The following PPP6R2 variants were observed in gnomAD, a reference collection of about 807,000 sequenced individuals.
PPP6R2 encodes the protein serine/threonine-protein phosphatase 6 regulatory subunit 2.
PPP6R2 carries 62 observed loss-of-function variants against 100.2 expected under a neutral mutation model. That is an observed-to-expected ratio of 0.62 (90% CI 0.50 to 0.76). PPP6R2 has a LOEUF of 0.76. PPP6R2 is among the 30% of genes least tolerant of loss of function. PPP6R2 has a pLI of 0.00. For synonymous variants in PPP6R2, 525 were observed against 514.7 expected (o/e 1.02, Z -0.27); for missense variants, 1,142 against 1,276.3 (o/e 0.89, Z 1.60).
At chr22:50,346,691 G>A (rs2147964731) in intron 1 of PPP6R2, among the ~76,000 whole-genome samples, 1 of 142,322 alleles carries the variant, frequency 7.0e-6, no homozygotes, top group South Asian at 2.3e-4. Context: ...GTCGGTCAGT[G>A]CCTCCGCATC....
chr22:50,370,535 C>T (rs2049906985), intron 1 of PPP6R2, among the ~76,000 whole-genome samples: 1 of 152,184 alleles, frequency 6.6e-6, no homozygotes, highest in South Asian at 2.1e-4. Flanking sequence ...GATCCACCCG[C>T]CTTGGCCTCC....
chr22:50,439,637 C>G, intron 19 of PPP6R2, 64 bp from the exon 20 acceptor site: 1 of 1,455,286 alleles, frequency 6.9e-7, no homozygotes, highest in Non-Finnish European at 9.1e-7. Flanking sequence ...GGGGCGCTGC[C>G]TCCCCTTTGC....
intron 1 of PPP6R2, among the ~76,000 whole-genome samples, chr22:50,347,452 C>T (rs1225844480): frequency 6.6e-6 from 1 of 152,090 alleles, no homozygotes; most frequent in Non-Finnish European, 1.5e-5. Context: ...CTAACCTCAC[C>T]TTACCCCGCA....
chr22:50,378,893 A>C (rs929218910), intron 2 of PPP6R2, among the ~76,000 whole-genome samples: 2 of 151,954 alleles, frequency 1.3e-5, no homozygotes, highest in African/African-American at 4.8e-5. Flanking sequence ...TAAAAAAAAA[A>C]AAAAAAAGGT....
chr22:50,439,791 C>T lies in PPP6R2; in HGVS notation c.2219C>T (p.Ala740Val). Residue 740 changes from alanine to valine, a missense_variant, in exon 20 of 24, where the codon GCA becomes GTA. Around this residue, in one of 2 missense-constraint regions of PPP6R2, gnomAD observed 550 missense variants for 517.4 expected, o/e 1.06. Coordinates refer to ENST00000612753, the MANE Select transcript of PPP6R2 (RefSeq NM_001242898.2). ...AGGGACGTGGGTTCCAGTGTGTGGG[C>T]AGCTGGCACCTCAGCTCCAGAGGAG... ...VVRDVGSSVW[A>V]AGTSAPEEKG... The T allele has an allele frequency of 6.2e-7, 1 of 1,613,870 alleles. No individual in the cohort carries two copies. The highest frequency in any genetic ancestry group is 8.5e-7 in the Non-Finnish European group (1 of 1,179,966).
intron 2 of PPP6R2, among the ~76,000 whole-genome samples, chr22:50,381,691 C>A (rs1462083033): frequency 6.6e-6 from 1 of 151,970 alleles, no homozygotes; most frequent in African/African-American, 2.4e-5. Flanking sequence ...GAGGCCGAGG[C>A]GGGTGGATCA....
At chr22:50,402,607 G>T (rs977599537) in intron 3 of PPP6R2, among the ~76,000 whole-genome samples, 3 of 152,100 alleles carry the variant, frequency 2.0e-5, no homozygotes, top group Non-Finnish European at 4.4e-5. Context: ...TCACGTGGCC[G>T]GCTGCTTCAG....
At chr22:50,432,543 G>C (rs1207129941) in intron 12 of PPP6R2, among the ~76,000 whole-genome samples, 1 of 152,146 alleles carries the variant, frequency 6.6e-6, no homozygotes, top group African/African-American at 2.4e-5. Context: ...GACACAGGGA[G>C]CCGACAGGAA....
Position 50,418,962 on chromosome 22 carries a change from C to T in PPP6R2, c.714C>T (p.Leu238=). Residue 238 remains leucine, a synonymous_variant, in exon 7 of 24, where the codon CTC becomes CTT. Transcript: ENST00000612753. ...QLQEALEPDP[L]LTALESQDCV... is the part of the protein sequence containing the mutation. ...AAGAGGCTCTGGAGCCAGACCCGCT[C>T]CTCACAGCGCTGGAGTCGTGAGTGC... The T allele has an allele frequency of 1.2e-6, 2 of 1,613,502 alleles. No homozygotes were observed. Among genetic ancestry groups the T allele is most frequent in the Middle Eastern group, 1.7e-4 (1 of 6,058 alleles).
intron 1 of PPP6R2, among the ~76,000 whole-genome samples, chr22:50,348,417 G>GA (rs2044243581): frequency 6.6e-6 from 1 of 152,166 alleles, no homozygotes; most frequent in Non-Finnish European, 1.5e-5. Flanking sequence ...TGGTAGATGA[G>GA]AAGAGAGGTG....
Position 50,382,045 on chromosome 22 carries a change from A to T in PPP6R2, c.-17+9895A>T, listed in dbSNP as rs182630098. ...TAGCAACCATTAACTAAATGATAAT[A>T]TATATTGAAAACTTAACCTGTGAAA... On this transcript the variant is annotated intron_variant, in intron 2 of 23. Coordinates refer to ENST00000612753, the MANE Select transcript of PPP6R2 (RefSeq NM_001242898.2). Among the ~76,000 whole-genome samples the T allele has an allele frequency of 3.7e-3, 560 of 152,330 alleles. 4 individuals are homozygous for T. Among genetic ancestry groups the T allele is most frequent in the Middle Eastern group, 0.02 (6 of 294 alleles).
chr22:50,367,209 G>A (rs972053569), intron 1 of PPP6R2, among the ~76,000 whole-genome samples: 3 of 152,036 alleles, frequency 2.0e-5, no homozygotes, highest in Non-Finnish European at 2.9e-5. Flanking sequence ...AGCGGGGGAC[G>A]CCTGGATAGG....
At chr22:50,383,690 T>G (rs573682964) in intron 2 of PPP6R2, among the ~76,000 whole-genome samples, 2 of 152,138 alleles carry the variant, frequency 1.3e-5, no homozygotes, top group African/African-American at 4.8e-5. Context: ...GGGGCTGTTA[T>G]CTTTCTGCCA....
In PPP6R2 at chr22:50,373,809, C is replaced by T. The variant is rs184522905; in HGVS notation, c.-17+1659C>T. On this transcript the variant is annotated intron_variant, in intron 2 of 23. Coordinates refer to ENST00000612753, the MANE Select transcript of PPP6R2 (RefSeq NM_001242898.2). Reference sequence around the variant, plus strand: ...AGTGCAATGGCATGACCTTGACTCACTGCAACCTCCGCCTCCTGGGTTCAA... The same window carrying T: ...AGTGCAATGGCATGACCTTGACTCATTGCAACCTCCGCCTCCTGGGTTCAA... 6.8e-4 allele frequency among the ~76,000 whole-genome samples: 103 copies of T among 152,186 alleles called. 1 individual carries two copies. The highest frequency in any genetic ancestry group is 5.4e-4 in the Non-Finnish European group (37 of 68,010).
At position 50,431,337 on chromosome 22, in the gene PPP6R2, TC is replaced by T; in HGVS notation, c.1294del (p.Gln432SerfsTer12). On this transcript the variant is annotated frameshift_variant, in exon 11 of 24. Coordinates refer to ENST00000612753, the MANE Select transcript of PPP6R2 (RefSeq NM_001242898.2). LOFTEE classifies it high-confidence loss of function. The surrounding 1 kb of genome is among the most constrained non-coding windows in gnomAD (Gnocchi z 4.8). ...AGAACGGGAACCGGAGCCTGGAGAC[TC>T]CCCAGCCGGCCGCCAGCCTCCCTGA... is the stretch of plus-strand genomic sequence containing the variant. ...HENGNRSLET[P>X]QPAASLPDNT... 6.2e-7 allele frequency: 1 copy of T among 1,612,668 alleles called. No individual in the cohort carries two copies. The highest frequency in any genetic ancestry group is 8.5e-7 in the Non-Finnish European group (1 of 1,179,972).
At chr22:50,437,231 C>T (rs1388450812) in intron 15 of PPP6R2, among the ~76,000 whole-genome samples, 163 bp downstream of exon 15, 1 of 152,204 alleles carries the variant, frequency 6.6e-6, no homozygotes, top group African/African-American at 2.4e-5. Context: ...GGGAGAACCC[C>T]AAAGTCACTC....
At chr22:50,426,999 C>T (rs1277825112) in intron 10 of PPP6R2, among the ~76,000 whole-genome samples, 1 of 151,678 alleles carries the variant, frequency 6.6e-6, no homozygotes, top group Non-Finnish European at 1.5e-5. Flanking sequence ...CCATCCTGGC[C>T]AACATAGTGA....
At chr22:50,336,104 C>A in the PPP6R2 span, among the ~76,000 whole-genome samples, 1 of 151,908 alleles carries the variant, frequency 6.6e-6, no homozygotes, top group Non-Finnish European at 1.5e-5. Context: ...CCCACCTCAG[C>A]CTCCTGAGTA....
At chr22:50,338,068 TGTG>T in the PPP6R2 span, among the ~76,000 whole-genome samples, 1 of 148,246 alleles carries the variant, frequency 6.7e-6, no homozygotes, top group Non-Finnish European at 1.5e-5. Flanking sequence ...GTGTGGTGTG[TGTG>T]GTGTGTGTGA....
Sources: allele counts gnomAD v4.1 joint callset (sites outside exome capture counted in the v4.1 genomes callset), GRCh38; gene constraint gnomAD v4.1.1; regional missense constraint gnomAD v4.1.1; non-coding constraint Gnocchi (gnomAD v3.1); transcripts MANE v1.5; gene names NCBI Gene and HGNC (gene_info 2026-07-23, HGNC 2026-07-21).